The following RBMS3 variants were observed in gnomAD, a reference collection of about 807,000 sequenced individuals.
RBMS3 encodes RNA-binding motif, single-stranded-interacting protein 3.
In RBMS3, 27 loss-of-function variants were observed where a neutral mutation model predicts 66.8. That is an observed-to-expected ratio of 0.40 (90% CI 0.30 to 0.56). The LOEUF (loss-of-function observed/expected upper bound fraction) is 0.56. RBMS3 is among the 20% of genes least tolerant of loss of function. The pLI is 0.40. For missense variants in RBMS3, 513 were observed against 549.5 expected (o/e 0.93, Z 0.66); for synonymous variants, 188 against 183.0 (o/e 1.03, Z -0.22).
chr3:29,589,638 A>G (rs190151103), intron 4 of RBMS3, among the ~76,000 whole-genome samples: 51 of 152,190 alleles, frequency 3.4e-4, no homozygotes, highest in Admixed American at 2.6e-3. Flanking sequence ...CAGATTTCTC[A>G]CTGAGCTATT....
chr3:29,324,629 G>A (rs562381628), intron 1 of RBMS3, among the ~76,000 whole-genome samples: 1 of 146,386 alleles, frequency 6.8e-6, no homozygotes, highest in Non-Finnish European at 1.5e-5. Context: ...GCATTGTAGA[G>A]CTCCAAGATG....
At chr3:29,460,676 G>A (rs1182249026) in intron 2 of RBMS3, among the ~76,000 whole-genome samples, 1 of 152,194 alleles carries the variant, frequency 6.6e-6, no homozygotes, top group Non-Finnish European at 1.5e-5. Flanking sequence ...CTTAGTAAGT[G>A]TATTAGTAAT....
chr3:29,944,614 C>T (rs1007766202), intron 12 of RBMS3, among the ~76,000 whole-genome samples: 20 of 151,672 alleles, frequency 1.3e-4, no homozygotes, highest in South Asian at 2.1e-4. Flanking sequence ...TAGCAAAAGA[C>T]GGCACAGATT....
chr3:29,884,324 A>T, intron 8 of RBMS3, 116 bp downstream of exon 8: 1 of 930,598 alleles, frequency 1.1e-6, no homozygotes, highest in Non-Finnish European at 1.6e-6. Context: ...TTAAACACAA[A>T]GTTTAAACCA....
chr3:29,972,554 A>G (rs1325031057), intron 12 of RBMS3, among the ~76,000 whole-genome samples: 1 of 142,622 alleles, frequency 7.0e-6, no homozygotes, highest in Non-Finnish European at 1.5e-5. Flanking sequence ...TCTGTCTCTG[A>G]AAATCTCTTG....
intron 10 of RBMS3, among the ~76,000 whole-genome samples, chr3:29,910,346 C>T (rs910634653): frequency 2.0e-5 from 3 of 151,986 alleles, no homozygotes; most frequent in Non-Finnish European, 2.9e-5. Flanking sequence ...GACCATGGAA[C>T]TATTTGTTCT....
chr3:29,955,237 G>A (rs549983013), intron 12 of RBMS3, among the ~76,000 whole-genome samples: 32 of 152,036 alleles, frequency 2.1e-4, no homozygotes, highest in Non-Finnish European at 4.0e-4. Context: ...AAGTGAAGGG[G>A]TATGTGTCTT....
intron 1 of RBMS3, among the ~76,000 whole-genome samples, chr3:29,384,497 C>T (rs772649192): frequency 2.0e-5 from 3 of 149,148 alleles, no homozygotes; most frequent in Non-Finnish European, 3.0e-5. Flanking sequence ...TAGGAAATAA[C>T]ATCTGACATG....
chr3:29,544,119 C>T (rs1334720766), intron 3 of RBMS3, among the ~76,000 whole-genome samples: 1 of 151,866 alleles, frequency 6.6e-6, no homozygotes, highest in Admixed American at 6.6e-5. Context: ...AAGAAGAAAA[C>T]GCTGATCCAA....
chr3:29,291,525 G>A (rs1275035495), intron 1 of RBMS3, among the ~76,000 whole-genome samples: 1 of 151,822 alleles, frequency 6.6e-6, no homozygotes, highest in African/African-American at 2.4e-5. Context: ...TTGTTTACTA[G>A]AGACAGAGCT....
intron 2 of RBMS3, among the ~76,000 whole-genome samples, chr3:29,481,270 T>C (rs138887843): frequency 6.6e-6 from 1 of 152,274 alleles, no homozygotes; most frequent in Non-Finnish European, 1.5e-5. Context: ...TTGAAAGGGA[T>C]ACCCATGAAT....
intron 1 of RBMS3, among the ~76,000 whole-genome samples, chr3:29,350,789 A>C (rs1402845680): frequency 6.6e-6 from 1 of 152,158 alleles, no homozygotes; most frequent in South Asian, 2.1e-4. Context: ...AAGGACCCCC[A>C]AAATGTTTCA....
chr3:29,844,930 C>T (rs2058742857), intron 6 of RBMS3, among the ~76,000 whole-genome samples: 1 of 152,192 alleles, frequency 6.6e-6, no homozygotes, highest in African/African-American at 2.4e-5. Context: ...GTTGTTGGCT[C>T]TGCTGCACAG....
intron 3 of RBMS3, among the ~76,000 whole-genome samples, chr3:29,523,777 CG>C (rs1463656736): frequency 6.6e-6 from 1 of 151,968 alleles, no homozygotes; most frequent in African/African-American, 2.4e-5. Context: ...CTTTGTTGCC[CG>C]GGCTGGAGTG....
At chr3:29,437,780 A>C (rs371740339) in intron 2 of RBMS3, among the ~76,000 whole-genome samples, 119 of 152,338 alleles carry the variant, frequency 7.8e-4, no homozygotes, top group Middle Eastern at 6.8e-3. Context: ...CCCCATATAC[A>C]AAATAATGGA....
At chr3:29,903,963 C>T (rs756513995) in intron 10 of RBMS3, among the ~76,000 whole-genome samples, 5 of 151,886 alleles carry the variant, frequency 3.3e-5, no homozygotes, top group Non-Finnish European at 5.9e-5. Context: ...GTTTAAGAAG[C>T]CCCAGAATAC....
intron 6 of RBMS3, among the ~76,000 whole-genome samples, chr3:29,770,992 A>G (rs993902300): frequency 3.3e-5 from 5 of 152,054 alleles, no homozygotes; most frequent in African/African-American, 1.2e-4. Flanking sequence ...TGCTATACAT[A>G]CACCTCATCA....
At position 29,858,312 on chromosome 3, in the gene RBMS3, C is replaced by T. The variant is rs555377021; in HGVS notation, c.638-10546C>T. Among the ~76,000 whole-genome samples the T allele has an allele frequency of 2.0e-5, 3 of 152,054 alleles. No individual in the cohort carries two copies. In the East Asian group the frequency reaches 5.8e-4, roughly 29 times the overall value. On this transcript the variant is annotated intron_variant, in intron 6 of 14. Transcript: ENST00000383767. ...AAAAAATTTCATCTTATATGTAGTA[C>T]ATAGTAATCTATAAATATAAAATAC...
At chr3:29,816,118 A>G (rs2057888109) in intron 6 of RBMS3, among the ~76,000 whole-genome samples, 1 of 152,112 alleles carries the variant, frequency 6.6e-6, no homozygotes, top group African/African-American at 2.4e-5. Context: ...TCACACCTAC[A>G]TGCTGAAATT....
Sources: allele counts gnomAD v4.1 joint callset (sites outside exome capture counted in the v4.1 genomes callset), GRCh38; gene constraint gnomAD v4.1.1; transcripts MANE v1.5; gene names NCBI Gene and HGNC (gene_info 2026-07-23, HGNC 2026-07-21).